ZNF141: variants seen among roughly 807,000 people sequenced by gnomAD.
The protein encoded by ZNF141 is zinc finger protein 141.
Under a neutral mutation model 11.3 loss-of-function variants are expected in ZNF141, and 7 were observed. The observed-to-expected ratio is 0.62, with a 90% CI of 0.35 to 1.16. The LOEUF (loss-of-function observed/expected upper bound fraction) is 1.16. Ranked by LOEUF, ZNF141 falls within the 50% of genes most tolerant of loss-of-function variation. The probability of loss-of-function intolerance (pLI) is 0.02; values close to 1 mark genes in which losing one functional copy is unlikely to be tolerated. For synonymous variants in ZNF141, 183 were observed against 190.7 expected (o/e 0.96, Z 0.33); for missense variants, 535 against 554.0 (o/e 0.97, Z 0.34).
At chr4:369,764 A>ATATAGTTTTTTTTTTTTTTT in intron 3 of ZNF141, among the ~76,000 whole-genome samples, 1 of 48,742 alleles carries the variant, frequency 2.1e-5, no homozygotes, top group Non-Finnish European at 3.1e-5. Flanking sequence ...ATATATATAT[A>ATATAGTTTTTTTTTTTTTTT]TTTTTTTTTT....
At chr4:353,625 T>G (rs1560187374) in intron 3 of ZNF141, among the ~76,000 whole-genome samples, 1 of 151,854 alleles carries the variant, frequency 6.6e-6, no homozygotes, top group Non-Finnish European at 1.5e-5. Context: ...CATGCCTGGC[T>G]AATTTTTTGT....
chr4:372,996 ACT>A lies in ZNF141; in HGVS notation c.561_562del (p.Gln188ThrfsTer2). ...ATCATTTCAGAAGTTTTCACACCTA[ACT>A]CAACATAAGGTAATTCATGCTGGAG... ...GKSFQKFSHLTQHKVIHAGEK... is the reference protein window; with the variant it reads ...GKSFQKFSHLXQHKVIHAGEK... On this transcript the variant is annotated frameshift_variant, in exon 4 of 4. Coordinates refer to ENST00000240499, the MANE Select transcript of ZNF141 (RefSeq NM_003441.4). LOFTEE classifies it low-confidence loss of function (END_TRUNC). The A allele has an allele frequency of 6.2e-7, 1 of 1,614,122 alleles. No individual in the cohort carries two copies. Among genetic ancestry groups the A allele is most frequent in the Non-Finnish European group, 8.5e-7 (1 of 1,180,000 alleles).
chr4:356,021 C>T (rs983357419), intron 3 of ZNF141, among the ~76,000 whole-genome samples: 10 of 151,866 alleles, frequency 6.6e-5, no homozygotes, highest in Non-Finnish European at 1.5e-4. Context: ...TCACAGGTCA[C>T]GAGTTTGAGA....
At chr4:346,988 AG>A (rs1462428129) in intron 3 of ZNF141, among the ~76,000 whole-genome samples, 10 of 149,032 alleles carry the variant, frequency 6.7e-5, no homozygotes, top group Non-Finnish European at 4.4e-5. Context: ...TTCCTTTGGT[AG>A]TATGCCCAGA....
In ZNF141 at chr4:379,125, G is replaced by A. The variant is rs1553855082; in HGVS notation, c.*5263G>A. Among the ~76,000 whole-genome samples the A allele has an allele frequency of 6.6e-6, 1 of 152,026 alleles. No homozygotes were observed. The highest frequency in any genetic ancestry group is 1.5e-5 in the Non-Finnish European group (1 of 68,014). ...CCCAAAGTGCTGGGATTACCGGTGT[G>A]AGCCACTGTGCCCAGCCTCTCAGTG... On this transcript the variant is annotated 3_prime_UTR_variant, in exon 4 of 4. Coordinates refer to ENST00000240499, the MANE Select transcript of ZNF141 (RefSeq NM_003441.4).
intron 3 of ZNF141, among the ~76,000 whole-genome samples, chr4:357,346 G>A (rs1721889338): frequency 6.6e-6 from 1 of 151,478 alleles, no homozygotes; most frequent in Non-Finnish European, 1.5e-5. Flanking sequence ...ATTGACCCAG[G>A]AGGTGGAGGT....
rs997408419 is a variant in ZNF141 at position 375,753 on chromosome 4, C to G, written c.*1891C>G. ...CAACTCAAATTATTTCATACTGTTT[C>G]AACATTCCTGTTTATGTGAAAGCAT... On this transcript the variant is annotated 3_prime_UTR_variant, in exon 4 of 4. Transcript: ENST00000240499. Among the ~76,000 whole-genome samples the G allele has an allele frequency of 6.6e-5, 10 of 152,002 alleles. No homozygotes were observed. Among genetic ancestry groups the G allele is most frequent in the Non-Finnish European group, 1.3e-4 (9 of 67,916 alleles).
chr4:347,062 A>C (rs1181500304), intron 3 of ZNF141, among the ~76,000 whole-genome samples: 6 of 129,540 alleles, frequency 4.6e-5, no homozygotes, highest in Admixed American at 4.0e-4. Flanking sequence ...TTTGAGATGG[A>C]GTTTCACTCT....
intron 2 of ZNF141, 39 bp from the exon 3 acceptor site, chr4:344,296 A>G: frequency 1.3e-6 from 2 of 1,551,698 alleles, no homozygotes; most frequent in Non-Finnish European, 1.8e-6. Flanking sequence ...GAGAATCCCC[A>G]TCAATAGTCA....
Position 361,156 on chromosome 4 carries a change from C to G in ZNF141, c.227-11508C>G, listed in dbSNP as rs1722088062. On this transcript the variant is annotated intron_variant, in intron 3 of 3. Coordinates refer to ENST00000240499, the MANE Select transcript of ZNF141 (RefSeq NM_003441.4). Reference sequence around the variant, plus strand: ...AGCTAAGTACATTTACATTATTTTGCAATGGATCTTTAGATTAATTTTATC... The same window carrying G: ...AGCTAAGTACATTTACATTATTTTGGAATGGATCTTTAGATTAATTTTATC... Among the ~76,000 whole-genome samples the G allele has an allele frequency of 2.0e-5, 3 of 152,194 alleles. No homozygotes were observed. In the South Asian group the frequency reaches 6.2e-4, roughly 32 times the overall value.
chr4:357,108 A>C (rs555421801), intron 3 of ZNF141, among the ~76,000 whole-genome samples: 1 of 152,030 alleles, frequency 6.6e-6, no homozygotes, highest in African/African-American at 2.4e-5. Flanking sequence ...AGCACATGCC[A>C]CCATATTCAG....
In ZNF141 at chr4:376,627, C is replaced by A. The variant is rs781809694; in HGVS notation, c.*2765C>A. 6.6e-6 allele frequency among the ~76,000 whole-genome samples: 1 copy of A among 151,960 alleles called. No homozygotes were observed. Among genetic ancestry groups the A allele is most frequent in the African/African-American group, 2.4e-5 (1 of 41,374 alleles). On this transcript the variant is annotated 3_prime_UTR_variant, in exon 4 of 4. Transcript: ENST00000240499. ...CTGCAAACTTATACAAACTTTAGTT[C>A]CATTTACATGAAGTTAAGTATGTAA...
rs781856328 is a variant in ZNF141, at chr4:373,850, A to G, written c.1413A>G (p.Lys471=). 8 of 1,601,170 alleles carry G rather than the reference A, an allele frequency of 5.0e-6. No homozygotes were observed. In the African/African-American group the frequency reaches 6.8e-5, roughly 14 times the overall value. ...TCTCACACCTGAATAAACATAAGAA[A>G]ATTCATACTTGAGAGAAATCCTACA... is the stretch of plus-strand genomic sequence containing the variant. ...KRFSHLNKHK[K]IHT The change falls in exon 4 of 4, where the codon AAA becomes AAG. Residue 471 remains lysine (K), a synonymous_variant. Transcript: ENST00000240499.
intron 3 of ZNF141, among the ~76,000 whole-genome samples, chr4:367,953 C>T (rs757759377): frequency 2.6e-5 from 4 of 152,092 alleles, no homozygotes; most frequent in African/African-American, 4.8e-5. Context: ...CATATTATAT[C>T]GATATTCTTA....
In ZNF141 at chr4:373,912, A is replaced by C. The variant is rs782794429; in HGVS notation, c.*50A>C. On this transcript the variant is annotated 3_prime_UTR_variant, in exon 4 of 4. Coordinates refer to ENST00000240499, the MANE Select transcript of ZNF141 (RefSeq NM_003441.4). Reference sequence around the variant, plus strand: ...TGTGGCAAACCTTTGGATGATCCACAAACCTTAATGAACATGAGAAAATTT... The same window carrying C: ...TGTGGCAAACCTTTGGATGATCCACCAACCTTAATGAACATGAGAAAATTT... The C allele has an allele frequency of 1.4e-6, 2 of 1,481,192 alleles. No individual in the cohort carries two copies. Among genetic ancestry groups the C allele is most frequent in the South Asian group, 2.6e-5 (2 of 78,414 alleles). The allele number at this position is 1,481,192 out of a possible 1,614,324, so 91.8% of individuals were successfully genotyped here.
chr4:369,760 ATATATTT>A (rs1451437075), intron 3 of ZNF141, among the ~76,000 whole-genome samples: 4 of 34,092 alleles, frequency 1.2e-4, no homozygotes, highest in African/African-American at 2.0e-4. Flanking sequence ...ATATATATAT[ATATATTT>A]TTTTTTTTTT....
rs1712416542 is a variant in ZNF141, at chr4:377,244, T to C, written c.*3382T>C. The stretch of plus-strand genomic sequence containing the variant: ...CAGTCATGGGGATGTTTTGATCTAT[T>C]ATTGTAGTGAACAAACAAAGTTCTG... On this transcript the variant is annotated 3_prime_UTR_variant, in exon 4 of 4. Coordinates refer to ENST00000240499, the MANE Select transcript of ZNF141 (RefSeq NM_003441.4). 6.6e-6 allele frequency among the ~76,000 whole-genome samples: 1 copy of C among 152,116 alleles called. No homozygotes were observed. Among genetic ancestry groups the C allele is most frequent in the Admixed American group, 6.5e-5 (1 of 15,276 alleles).
chr4:364,790 G>A (rs1553852736), intron 3 of ZNF141, among the ~76,000 whole-genome samples: 1 of 152,138 alleles, frequency 6.6e-6, no homozygotes, highest in African/African-American at 2.4e-5. Flanking sequence ...AGGGGTCAGG[G>A]ACCCACTTGA....
At chr4:362,726 C>T (rs1341069860) in intron 3 of ZNF141, among the ~76,000 whole-genome samples, 2 of 152,122 alleles carry the variant, frequency 1.3e-5, no homozygotes, top group Admixed American at 6.5e-5. Context: ...TGTTCTGTTC[C>T]ATTGGTCTAT....
Sources: allele counts gnomAD v4.1 joint callset (sites outside exome capture counted in the v4.1 genomes callset), GRCh38; gene constraint gnomAD v4.1.1; transcripts MANE v1.5; gene names NCBI Gene and HGNC (gene_info 2026-07-23, HGNC 2026-07-21).